Variants in TTC28 observed in about 807,000 individuals in gnomAD.
TTC28 encodes tetratricopeptide repeat domain 28.
A neutral mutation model predicts 198.0 loss-of-function variants in TTC28; 61 were observed. The ratio of observed to expected loss-of-function variants is 0.31; its 90% CI spans 0.25 to 0.38. The LOEUF is 0.38. TTC28 is among the 10% of genes least tolerant of loss of function. The probability of loss-of-function intolerance (pLI) is 1.00; values close to 1 mark genes in which losing one functional copy is unlikely to be tolerated. For synonymous variants in TTC28, 1,171 were observed against 1,297.8 expected (o/e 0.90, Z 2.10); for missense variants, 2,678 against 3,164.0 (o/e 0.85, Z 3.69).
intron 2 of TTC28, among the ~76,000 whole-genome samples, chr22:28,326,559 CTTG>C (rs769324898): frequency 3.9e-5 from 6 of 152,094 alleles, no homozygotes; most frequent in South Asian, 2.1e-4. Flanking sequence ...GGCATGTGAA[CTTG>C]TTGTTTTCAC....
intron 2 of TTC28, among the ~76,000 whole-genome samples, chr22:28,466,213 C>T (rs372965567): frequency 6.6e-6 from 1 of 152,200 alleles, no homozygotes; most frequent in East Asian, 1.9e-4. Context: ...AGTCAATTTA[C>T]ATTTTTCTCA....
chr22:28,621,134 G>A (rs1379285508), intron 2 of TTC28, among the ~76,000 whole-genome samples: 2 of 152,186 alleles, frequency 1.3e-5, no homozygotes, highest in African/African-American at 4.8e-5. Flanking sequence ...TTGAGCTTAT[G>A]TTGAGAAATA....
At chr22:28,392,060 A>T (rs2046732156) in intron 2 of TTC28, among the ~76,000 whole-genome samples, 1 of 152,196 alleles carries the variant, frequency 6.6e-6, no homozygotes, top group Non-Finnish European at 1.5e-5. Context: ...TCCTTCTAAC[A>T]GACAGGACCC....
intron 2 of TTC28, among the ~76,000 whole-genome samples, chr22:28,388,084 C>T (rs967825204): frequency 4.6e-5 from 7 of 152,142 alleles, no homozygotes; most frequent in African/African-American, 7.2e-5. Flanking sequence ...TTTCCAAGCA[C>T]CGGTTATTAA....
intron 12 of TTC28, among the ~76,000 whole-genome samples, chr22:28,044,757 C>T (rs531485041): frequency 2.0e-5 from 3 of 152,308 alleles, no homozygotes; most frequent in Admixed American, 2.0e-4. Flanking sequence ...GGATCCAGAA[C>T]AATTGTGCAT....
chr22:28,160,973 T>G (rs1392925045), intron 6 of TTC28, among the ~76,000 whole-genome samples: 1 of 152,186 alleles, frequency 6.6e-6, no homozygotes, highest in Non-Finnish European at 1.5e-5. Context: ...TAGCAGAGCA[T>G]GCCAACTACT....
intron 2 of TTC28, among the ~76,000 whole-genome samples, chr22:28,351,769 C>A (rs1048311937): frequency 6.6e-6 from 1 of 152,126 alleles, no homozygotes; most frequent in Non-Finnish European, 1.5e-5. Flanking sequence ...ACATACTAGT[C>A]AGCAATCTTT....
chr22:28,176,759 T>G (rs1208880574), intron 5 of TTC28, among the ~76,000 whole-genome samples: 3 of 152,198 alleles, frequency 2.0e-5, no homozygotes, highest in Non-Finnish European at 4.4e-5. Flanking sequence ...CACATAAATA[T>G]AATAACTAAT....
At chr22:28,392,247 C>G (rs2046736971) in intron 2 of TTC28, among the ~76,000 whole-genome samples, 1 of 152,214 alleles carries the variant, frequency 6.6e-6, no homozygotes, top group Non-Finnish European at 1.5e-5. Flanking sequence ...CTCTTCAAAG[C>G]TGTCAGACAG....
At chr22:28,307,143 G>C (rs1210069022) in intron 2 of TTC28, among the ~76,000 whole-genome samples, 1 of 151,964 alleles carries the variant, frequency 6.6e-6, no homozygotes, top group Non-Finnish European at 1.5e-5. Flanking sequence ...ACACAACATG[G>C]CTACTTACTT....
At chr22:28,326,724 G>T (rs893414918) in intron 2 of TTC28, among the ~76,000 whole-genome samples, 1 of 152,050 alleles carries the variant, frequency 6.6e-6, no homozygotes, top group Non-Finnish European at 1.5e-5. Context: ...GTTATAAACC[G>T]ATTTCTTTGC....
chr22:28,001,121 G>A (rs1937667947), intron 15 of TTC28: 2 of 450,854 alleles, frequency 4.4e-6, no homozygotes, highest in Middle Eastern at 6.3e-4. Flanking sequence ...TGATGTCACA[G>A]CAAAGAAACT....
chr22:28,220,711 A>G (rs1927788355), intron 5 of TTC28, among the ~76,000 whole-genome samples: 2 of 152,220 alleles, frequency 1.3e-5, no homozygotes, highest in African/African-American at 2.4e-5. Flanking sequence ...CACTTTTGCC[A>G]TGTTCTATTG....
At chr22:28,045,118 C>T (rs1346823585) in intron 12 of TTC28, among the ~76,000 whole-genome samples, 1 of 152,148 alleles carries the variant, frequency 6.6e-6, no homozygotes, top group Non-Finnish European at 1.5e-5. Flanking sequence ...TCTCCCCCAC[C>T]AATTAGGTTT....
rs754407721 is a variant in TTC28 at position 28,096,401 on chromosome 22, A to C, written c.3555T>G (p.His1185Gln). ...LQRVLVSLGHHDEALAVAERG... is the reference protein window; with the variant it reads ...LQRVLVSLGHQDEALAVAERG... ...TTTCTGCCACAGCCAGGGCTTCATC[A>C]TGATGGCCTAGGAGACAAAGAGATA... The change falls in exon 11 of 23, where the codon CAT (histidine) becomes CAG (glutamine). Residue 1185 changes from histidine to glutamine, a missense_variant. Physicochemically the swap from His to Gln is conservative, Grantham distance 24. Around this residue, in one of 8 missense-constraint regions of TTC28, gnomAD observed 727 missense variants for 861.9 expected, o/e 0.84. Transcript: ENST00000397906. 16 of 1,551,100 alleles carry C rather than the reference A, an allele frequency of 1.0e-5. No individual in the cohort carries two copies. The South Asian group carries it at 1.5e-4, about 15-fold the overall frequency.
At chr22:28,255,653 C>T (rs1930850068) in intron 5 of TTC28, among the ~76,000 whole-genome samples, 1 of 151,340 alleles carries the variant, frequency 6.6e-6, no homozygotes, top group Non-Finnish European at 1.5e-5. Flanking sequence ...TACATTCCAG[C>T]CTGGGCAATA....
At chr22:28,070,792 A>G (rs1285986171) in intron 12 of TTC28, among the ~76,000 whole-genome samples, 1 of 152,230 alleles carries the variant, frequency 6.6e-6, no homozygotes, top group Non-Finnish European at 1.5e-5. Flanking sequence ...CCTTGAGGTG[A>G]TAATCAATAT....
At chr22:28,652,463 A>G (rs941460234) in intron 1 of TTC28, among the ~76,000 whole-genome samples, 2 of 152,234 alleles carry the variant, frequency 1.3e-5, no homozygotes, top group African/African-American at 4.8e-5. Flanking sequence ...ATCTTCAAAA[A>G]TCTCAATAAT....
intron 2 of TTC28, among the ~76,000 whole-genome samples, chr22:28,317,467 C>T (rs990156657): frequency 2.0e-5 from 3 of 152,186 alleles, no homozygotes; most frequent in Non-Finnish European, 2.9e-5. Flanking sequence ...ATTTTATAGA[C>T]TTTATTCCCA....
Sources: allele counts gnomAD v4.1 joint callset (sites outside exome capture counted in the v4.1 genomes callset), GRCh38; gene constraint gnomAD v4.1.1; regional missense constraint gnomAD v4.1.1; transcripts MANE v1.5; gene names NCBI Gene and HGNC (gene_info 2026-07-23, HGNC 2026-07-21).